The following NEXMIF variants were observed in gnomAD, a reference collection of about 807,000 sequenced individuals.
The protein encoded by NEXMIF is neurite extension and migration factor.
NEXMIF carries 8 observed loss-of-function variants against 62.1 expected under a neutral mutation model. The observed-to-expected ratio is 0.13, with a 90% CI of 0.08 to 0.23. NEXMIF has a LOEUF of 0.23. NEXMIF is among the 10% of genes least tolerant of loss of function. NEXMIF has a pLI of 1.00. For missense variants in NEXMIF, 976 were observed against 1,113.3 expected, an observed-to-expected ratio of 0.88 and a Z score of 1.75; for synonymous variants, 404 against 416.6, an observed-to-expected ratio of 0.97 and a Z score of 0.37.
At chrX:74,753,788 C>T (rs1214027743) in intron 1 of NEXMIF, among the ~76,000 whole-genome samples, 1 of 110,421 alleles carries the variant, frequency 9.1e-6, no homozygotes, top group African/African-American at 3.3e-5. Flanking sequence ...CTTCTTCCAT[C>T]ATGGAAGCAG....
chrX:74,742,071 C>A lies in NEXMIF; in HGVS notation c.2486G>T (p.Ser829Ile), dbSNP rs1602211742. The A allele has an allele frequency of 3.3e-6, 4 of 1,211,508 alleles. No homozygotes were observed. The highest frequency in any genetic ancestry group is 4.5e-6 in the Non-Finnish European group (4 of 895,317). ...AGAATGGTGGCTGAAGTATGAGATACTAGTGTTATTTGACAAGTCAGAAGC... is the reference window on the plus strand; with the variant it reads ...AGAATGGTGGCTGAAGTATGAGATAATAGTGTTATTTGACAAGTCAGAAGC... The part of the protein sequence containing the change: ...LDASDLSNNT[S>I]ISYFSHHSPE... The change falls in exon 3 of 4, where the codon AGT (serine) becomes ATT (isoleucine). Residue 829 changes from serine (S) to isoleucine (I), a missense_variant. Around this residue, in one of 5 missense-constraint regions of NEXMIF, gnomAD observed 639 missense variants for 694.5 expected, o/e 0.92. Transcript: ENST00000055682.
intron 1 of NEXMIF, among the ~76,000 whole-genome samples, chrX:74,850,733 A>C (rs1327603686): frequency 9.0e-6 from 1 of 111,451 alleles, no homozygotes; most frequent in Non-Finnish European, 1.9e-5. Flanking sequence ...TCCCGTATGA[A>C]AGAAAATCCA....
intron 1 of NEXMIF, among the ~76,000 whole-genome samples, chrX:74,820,170 C>G (rs2080390112): frequency 9.1e-6 from 1 of 109,754 alleles, no homozygotes; most frequent in Non-Finnish European, 1.9e-5. Flanking sequence ...GGGAACATCA[C>G]ACACTGGGGC....
At chrX:74,834,219 TTTG>T (rs2080448668) in intron 1 of NEXMIF, among the ~76,000 whole-genome samples, 1 of 111,532 alleles carries the variant, frequency 9.0e-6, no homozygotes, top group South Asian at 3.7e-4. Flanking sequence ...TTTTTAACTT[TTTG>T]TTGTTTCTCT....
chrX:74,781,069 T>C (rs1393496340), intron 1 of NEXMIF, among the ~76,000 whole-genome samples: 1 of 112,369 alleles, frequency 8.9e-6, no homozygotes, highest in Non-Finnish European at 1.9e-5. Flanking sequence ...TTCAGACCTA[T>C]GGTCCTTCCA....
chrX:74,909,359 A>C (rs961064794), intron 1 of NEXMIF, among the ~76,000 whole-genome samples: 7 of 111,891 alleles, frequency 6.3e-5, no homozygotes, highest in Admixed American at 2.8e-4. Context: ...GTTATGTTTT[A>C]GCAAAGAGAC....
chrX:74,798,983 A>G (rs1227623765), intron 1 of NEXMIF, among the ~76,000 whole-genome samples: 2 of 110,390 alleles, frequency 1.8e-5, no homozygotes, highest in African/African-American at 6.6e-5. Context: ...AAAAAAGATG[A>G]CAGTGAAACA....
intron 1 of NEXMIF, among the ~76,000 whole-genome samples, chrX:74,852,482 T>A (rs937525883): frequency 8.9e-6 from 1 of 112,133 alleles, no homozygotes; most frequent in Non-Finnish European, 1.9e-5. Context: ...AACAGACATT[T>A]ACAGAACATT....
At chrX:74,846,864 C>A (rs1360475537) in intron 1 of NEXMIF, among the ~76,000 whole-genome samples, 3 of 112,120 alleles carry the variant, frequency 2.7e-5, no homozygotes, top group Non-Finnish European at 5.6e-5. Flanking sequence ...GTAATAAGCT[C>A]TTTTCCTCAG....
chrX:74,883,867 A>G (rs764526289), intron 1 of NEXMIF, among the ~76,000 whole-genome samples: 14 of 112,051 alleles, frequency 1.2e-4, no homozygotes, highest in Admixed American at 1.2e-3. Context: ...AGTTGAAATG[A>G]AGGAAAAAAT....
At chrX:74,878,266 C>G (rs754993002) in intron 1 of NEXMIF, among the ~76,000 whole-genome samples, 4 of 111,849 alleles carry the variant, frequency 3.6e-5, no homozygotes, top group African/African-American at 1.3e-4. Flanking sequence ...TATGAGTCTG[C>G]CCCTGCTCGG....
At chrX:74,911,288 C>T (rs6647576) in intron 1 of NEXMIF, among the ~76,000 whole-genome samples, 16,701 of 110,499 alleles carry the variant, frequency 0.15, 1,853 homozygotes, top group East Asian at 0.91. Context: ...GGGGTTGTGG[C>T]GGGTGCCTGT....
intron 1 of NEXMIF, among the ~76,000 whole-genome samples, chrX:74,789,570 A>C (rs1271206488): frequency 9.0e-6 from 1 of 111,215 alleles, no homozygotes; most frequent in African/African-American, 3.3e-5. Flanking sequence ...ACAATGGTTG[A>C]ACTAGTTTAC....
intron 1 of NEXMIF, among the ~76,000 whole-genome samples, chrX:74,865,680 GC>G (rs2080576343): frequency 8.9e-6 from 1 of 111,881 alleles, no homozygotes; most frequent in African/African-American, 3.2e-5. Context: ...CAGGTCCAGG[GC>G]CCCTCTGTTA....
rs866635282 is a variant in NEXMIF, at chrX:74,740,927, T to C, written c.3630A>G (p.Lys1210=). The change falls in exon 3 of 4, where the codon AAA becomes AAG. Residue 1210 remains lysine, a synonymous_variant. Coordinates refer to ENST00000055682, the MANE Select transcript of NEXMIF (RefSeq NM_001008537.3). ...CCTGGCGGGAGTTTTTGCCAGGTGG[T>C]TTTTCAATCCCCTTGTTGTTACCTT... The part of the protein sequence containing the change: ...SLKGNNKGIE[K]PPGKNSRQVP... 8.3e-7 allele frequency: 1 copy of C among 1,211,711 alleles called. No individual in the cohort carries two copies. The highest frequency in any genetic ancestry group is 1.7e-5 in the African/African-American group (1 of 57,778).
chrX:74,811,387 C>T (rs760185978), intron 1 of NEXMIF, among the ~76,000 whole-genome samples: 1 of 111,999 alleles, frequency 8.9e-6, no homozygotes, highest in Admixed American at 9.5e-5. Flanking sequence ...GGCTCCTTCC[C>T]ATAAGAACAT....
intron 1 of NEXMIF, among the ~76,000 whole-genome samples, chrX:74,788,029 A>G (rs2147462223): frequency 8.9e-6 from 1 of 112,074 alleles, no homozygotes; most frequent in South Asian, 3.8e-4. Context: ...ACCAGTTGGA[A>G]CCCAAAATAG....
chrX:74,891,044 C>G (rs890175030), intron 1 of NEXMIF, among the ~76,000 whole-genome samples: 1 of 111,589 alleles, frequency 9.0e-6, no homozygotes, highest in African/African-American at 3.3e-5. Flanking sequence ...GAAAAGGGAG[C>G]GAGGAGGAGG....
chrX:74,759,214 T>G lies in NEXMIF; in HGVS notation c.-47-13517A>C, dbSNP rs751343446. Among the ~76,000 whole-genome samples the G allele has an allele frequency of 8.0e-5, 9 of 112,491 alleles. No individual in the cohort carries two copies. The South Asian group carries it at 3.3e-3, about 41-fold the overall frequency. ...TTGAAAAGTGTCTGTTCATGTCCTT[T>G]GCCCACTTTTTAATGGGGTTGTTTG... On this transcript the variant is annotated intron_variant, in intron 1 of 3. Coordinates refer to ENST00000055682, the MANE Select transcript of NEXMIF (RefSeq NM_001008537.3).
Sources: allele counts gnomAD v4.1 joint callset (sites outside exome capture counted in the v4.1 genomes callset), GRCh38; gene constraint gnomAD v4.1.1; regional missense constraint gnomAD v4.1.1; transcripts MANE v1.5; gene names NCBI Gene and HGNC (gene_info 2026-07-23, HGNC 2026-07-21).